KALRN: variants seen among roughly 807,000 people sequenced by gnomAD.
The protein encoded by KALRN is kalirin RhoGEF kinase, also known as kalirin.
Under a neutral mutation model 353.7 loss-of-function variants are expected in KALRN, and 70 were observed. The ratio of observed to expected loss-of-function variants is 0.20; its 90% CI spans 0.16 to 0.24. The LOEUF (loss-of-function observed/expected upper bound fraction) is 0.24, where lower values mean the gene tolerates loss of function less well. KALRN is among the 10% of genes least tolerant of loss of function. The pLI is 1.00. For missense variants in KALRN, 2,791 were observed against 3,756.7 expected, an observed-to-expected ratio of 0.74 and a Z score of 6.72; for synonymous variants, 1,391 against 1,434.8, an observed-to-expected ratio of 0.97 and a Z score of 0.69.
In KALRN at chr3:124,363,400, A is replaced by G. The variant is rs147922992; in HGVS notation, c.1770+16135A>G. 2.8e-3 allele frequency among the ~76,000 whole-genome samples: 433 copies of G among 152,356 alleles called. 2 individuals are homozygous for G. Among genetic ancestry groups the G allele is most frequent in the Middle Eastern group, 0.017 (5 of 294 alleles). The stretch of plus-strand genomic sequence containing the variant: ...ATGGGAGGCCAGAGCTACCCCACCT[A>G]TATGTACAGCTCCCCTAACCTTGCC... On this transcript the variant is annotated intron_variant, in intron 10 of 59. Transcript: ENST00000682506.
chr3:124,051,118 A>G (rs1364462687), intron 1 of KALRN, among the ~76,000 whole-genome samples: 1 of 152,188 alleles, frequency 6.6e-6, no homozygotes, highest in East Asian at 1.9e-4. Flanking sequence ...TGTGCATGTA[A>G]ACATGCAAGG....
intron 10 of KALRN, among the ~76,000 whole-genome samples, chr3:124,381,715 T>C (rs2087411252): frequency 6.6e-6 from 1 of 152,230 alleles, no homozygotes; most frequent in South Asian, 2.1e-4. Context: ...CTCATTTGTG[T>C]CTTGTTTGTT....
intron 1 of KALRN, among the ~76,000 whole-genome samples, chr3:124,066,286 T>C (rs1227973651): frequency 6.6e-6 from 1 of 152,194 alleles, no homozygotes; most frequent in Non-Finnish European, 1.5e-5. Context: ...AAAACTCAGC[T>C]TCTGTCTGGA....
chr3:124,094,446 G>T (rs1460957329), intron 1 of KALRN, among the ~76,000 whole-genome samples: 1 of 152,252 alleles, frequency 6.6e-6, no homozygotes, highest in Non-Finnish European at 1.5e-5. Context: ...GGTGTGGGAG[G>T]TATGGAGGCC....
intron 33 of KALRN, among the ~76,000 whole-genome samples, chr3:124,515,591 C>T (rs1008070501): frequency 5.3e-5 from 8 of 152,086 alleles, no homozygotes; most frequent in Admixed American, 5.2e-4. Flanking sequence ...AAAAGTTGAT[C>T]TCAGGCTCTA....
At chr3:124,668,934 C>G (rs1429766227) in intron 47 of KALRN, among the ~76,000 whole-genome samples, 1 of 152,112 alleles carries the variant, frequency 6.6e-6, no homozygotes, top group Admixed American at 6.5e-5. Context: ...TTTTAAAATT[C>G]ATCAATTTGG....
intron 6 of KALRN, among the ~76,000 whole-genome samples, chr3:124,317,211 T>C (rs901874920): frequency 6.6e-6 from 1 of 152,204 alleles, no homozygotes; most frequent in Non-Finnish European, 1.5e-5. Flanking sequence ...AGTAGAAATT[T>C]CTCATCGTCT....
intron 34 of KALRN, among the ~76,000 whole-genome samples, chr3:124,604,783 C>T (rs2077156215): frequency 6.6e-6 from 1 of 151,862 alleles, no homozygotes; most frequent in Admixed American, 6.6e-5. Context: ...AACTACTGCA[C>T]TCAAGCGATC....
Position 124,441,941 on chromosome 3 carries a change from G to T in KALRN, c.3199-4G>T, listed in dbSNP as rs781548791. On this transcript the variant is annotated splice_polypyrimidine_tract_variant and splice_region_variant and intron_variant, in intron 18 of 59. Coordinates refer to ENST00000682506, the MANE Select transcript of KALRN (RefSeq NM_001388419.1). ...CAGGGGCCTCACAGCTTTGTCTTTC[G>T]CAGGCCTGCACCCTGGCTCGGCGGA... The T allele has an allele frequency of 4.5e-6, 7 of 1,549,286 alleles. No homozygotes were observed. In the African/African-American group the frequency reaches 5.5e-5, roughly 12 times the overall value.
chr3:124,277,702 C>T (rs2074900211), intron 5 of KALRN, among the ~76,000 whole-genome samples: 1 of 152,120 alleles, frequency 6.6e-6, no homozygotes, highest in African/African-American at 2.4e-5. Flanking sequence ...GTGTGGAGAA[C>T]AGAATGGAGG....
At chr3:124,467,964 A>T (rs1249847197) in intron 25 of KALRN, among the ~76,000 whole-genome samples, 3 of 151,964 alleles carry the variant, frequency 2.0e-5, no homozygotes, top group African/African-American at 7.3e-5. Flanking sequence ...GTAGGTAGTC[A>T]GGCAGGTAGG....
At chr3:124,445,401 C>T (rs994518366) in intron 19 of KALRN, among the ~76,000 whole-genome samples, 2 of 152,204 alleles carry the variant, frequency 1.3e-5, no homozygotes, top group African/African-American at 2.4e-5. Context: ...CATCTATCCA[C>T]GTACCCAGCT....
intron 3 of KALRN, among the ~76,000 whole-genome samples, chr3:124,259,028 A>T (rs1167347642): frequency 1.3e-5 from 2 of 152,222 alleles, no homozygotes. Flanking sequence ...GATACAAATG[A>T]TTTATTAAGG....
chr3:124,711,745 T>C (rs1370742048), intron 57 of KALRN, among the ~76,000 whole-genome samples: 1 of 152,192 alleles, frequency 6.6e-6, no homozygotes, highest in Non-Finnish European at 1.5e-5. Context: ...GAAGTATTTA[T>C]GAGTGACATG....
At chr3:124,141,498 A>C (rs994808403) in intron 1 of KALRN, among the ~76,000 whole-genome samples, 1 of 152,110 alleles carries the variant, frequency 6.6e-6, no homozygotes, top group Admixed American at 6.6e-5. Context: ...CCTCCCCCTG[A>C]ATCCTTTAAG....
chr3:124,307,814 TAGA>T (rs1481830017), intron 6 of KALRN, among the ~76,000 whole-genome samples: 2 of 151,918 alleles, frequency 1.3e-5, no homozygotes, highest in Non-Finnish European at 2.9e-5. Context: ...CAATCAAAGG[TAGA>T]AATTGTCAGA....
intron 27 of KALRN, among the ~76,000 whole-genome samples, chr3:124,478,628 C>T (rs1471439742): frequency 6.6e-6 from 1 of 152,202 alleles, no homozygotes; most frequent in African/African-American, 2.4e-5. Context: ...AAGTGCTCCT[C>T]TCACCTGATA....
intron 1 of KALRN, among the ~76,000 whole-genome samples, chr3:124,099,861 C>A (rs1487508214): frequency 6.6e-6 from 1 of 152,096 alleles, no homozygotes; most frequent in Non-Finnish European, 1.5e-5. Flanking sequence ...TGTATGTATT[C>A]TTTTGAGAAG....
At chr3:124,636,355 A>G (rs1274734539) in intron 36 of KALRN, among the ~76,000 whole-genome samples, 4 of 152,212 alleles carry the variant, frequency 2.6e-5, no homozygotes, top group Non-Finnish European at 5.9e-5. Context: ...AGAAAAAGCC[A>G]AACAAAAAAC....
Sources: gnomAD v4.1 joint callset for allele counts (sites outside exome capture counted in the v4.1 genomes callset) on GRCh38, gnomAD v4.1.1 for gene constraint, MANE v1.5 for transcripts, NCBI Gene and HGNC (gene_info 2026-07-23, HGNC 2026-07-21) for gene names.